KLHL13: variants seen among roughly 807,000 people sequenced by gnomAD.
KLHL13 encodes the protein kelch like family member 13, also known as kelch-like protein 13.
A neutral mutation model predicts 37.1 loss-of-function variants in KLHL13; 10 were observed. The ratio of observed to expected loss-of-function variants is 0.27; its 90% CI spans 0.17 to 0.46. KLHL13 has a LOEUF of 0.46. Among genes scored for constraint, KLHL13 ranks in the 20% least tolerant of loss-of-function variants. The pLI is 1.00. For missense variants in KLHL13, 360 were observed against 509.3 expected (o/e 0.71, Z 2.82); for synonymous variants, 163 against 181.2 (o/e 0.90, Z 0.81).
chrX:118,109,786 C>A (rs1005912792), intron 1 of KLHL13, among the ~76,000 whole-genome samples: 6 of 111,810 alleles, frequency 5.4e-5, no homozygotes, highest in Non-Finnish European at 9.4e-5. Flanking sequence ...AATGAATTGG[C>A]AGAATAGTTT....
chrX:118,071,329 C>A (rs1263779708), intron 1 of KLHL13, among the ~76,000 whole-genome samples: 1 of 111,352 alleles, frequency 9.0e-6, no homozygotes, highest in Non-Finnish European at 1.9e-5. Flanking sequence ...GAGGAATCGC[C>A]ACACTGACTT....
chrX:117,931,534 G>A (rs1932452513), intron 2 of KLHL13, among the ~76,000 whole-genome samples: 1 of 111,586 alleles, frequency 9.0e-6, no homozygotes, highest in Non-Finnish European at 1.9e-5. Flanking sequence ...AAGCCAGCAA[G>A]AAGACATTCT....
chrX:118,075,623 A>ACTTGGTGCAAGACCTGCCATTC (rs2054921126), intron 1 of KLHL13, among the ~76,000 whole-genome samples: 1 of 111,402 alleles, frequency 9.0e-6, no homozygotes, highest in East Asian at 2.8e-4. Flanking sequence ...ACCTGCCATT[A>ACTTGGTGCAAGACCTGCCATTC]CTTGGTGCAA....
chrX:117,986,978 G>A (rs2053733597), intron 1 of KLHL13, among the ~76,000 whole-genome samples: 1 of 111,239 alleles, frequency 9.0e-6, no homozygotes. Flanking sequence ...ACTTCATAGT[G>A]CACGCTAATC....
At chrX:118,112,105 C>T (rs2055418047) in intron 1 of KLHL13, among the ~76,000 whole-genome samples, 1 of 111,948 alleles carries the variant, frequency 8.9e-6, no homozygotes, top group South Asian at 3.7e-4. Flanking sequence ...AGCTCCAGAG[C>T]TTGAGCTCTT....
intron 1 of KLHL13, among the ~76,000 whole-genome samples, chrX:118,113,269 T>C (rs1214282993): frequency 8.9e-6 from 1 of 112,086 alleles, no homozygotes; most frequent in African/African-American, 3.2e-5. Flanking sequence ...TTAATATAAA[T>C]GACTGAATGA....
At chrX:118,117,220 T>C (rs2055482710), upstream of KLHL13, 1 of 112,582 alleles carries the variant, frequency 8.9e-6, no homozygotes, top group Admixed American at 9.3e-5. Context: ...CTCGGCCTCC[T>C]CATAGTCACG....
intron 1 of KLHL13, among the ~76,000 whole-genome samples, chrX:118,111,893 C>A (rs2148194101): frequency 9.0e-6 from 1 of 111,390 alleles, no homozygotes; most frequent in South Asian, 3.8e-4. Context: ...GAGCGAGACT[C>A]CGTCTAAAAA....
At chrX:117,904,929 T>C (rs1384163936) in intron 5 of KLHL13, among the ~76,000 whole-genome samples, 1 of 112,001 alleles carries the variant, frequency 8.9e-6, no homozygotes, top group Non-Finnish European at 1.9e-5. Context: ...AGGTTGGTTA[T>C]CTCACATATA....
At chrX:117,926,885 C>CTTTTTTTTTTTTTTTT (rs10596292) in intron 2 of KLHL13, among the ~76,000 whole-genome samples, 4 of 26,155 alleles carry the variant, frequency 1.5e-4, no homozygotes, top group Non-Finnish European at 3.3e-4. Context: ...CCCCCTACTT[C>CTTTTTTTTTTTTTTTT]TTTTTTTTTT....
chrX:118,011,098 A>AAATG (rs2054062297), intron 1 of KLHL13, among the ~76,000 whole-genome samples: 1 of 108,759 alleles, frequency 9.2e-6, no homozygotes, highest in Non-Finnish European at 1.9e-5. Flanking sequence ...ATAAATAAAT[A>AAATG]AATAAGAAAA....
intron 1 of KLHL13, among the ~76,000 whole-genome samples, chrX:118,115,077 ACT>A (rs1029208467): frequency 4.5e-5 from 5 of 112,166 alleles, no homozygotes; most frequent in African/African-American, 1.6e-4. Context: ...CAGGCAAACA[ACT>A]CTTTTACCGT....
chrX:118,055,253 G>A (rs892235824), intron 1 of KLHL13, among the ~76,000 whole-genome samples: 1 of 111,891 alleles, frequency 8.9e-6, no homozygotes, highest in Non-Finnish European at 1.9e-5. Flanking sequence ...ACCATCTTAT[G>A]GAACACATTC....
chrX:117,964,837 G>A (rs935170925), intron 1 of KLHL13, among the ~76,000 whole-genome samples: 6 of 110,876 alleles, frequency 5.4e-5, no homozygotes, highest in African/African-American at 2.0e-4. Context: ...AACATGCAGT[G>A]TTTGGTTTTT....
upstream of KLHL13, among the ~76,000 whole-genome samples, chrX:117,974,765 T>G (rs1381681310): frequency 9.0e-6 from 1 of 111,660 alleles, no homozygotes; most frequent in Non-Finnish European, 1.9e-5. Flanking sequence ...GAAAGCTTAT[T>G]TTGAAAGATT....
At chrX:118,045,330 C>T (rs1198087209) in intron 1 of KLHL13, among the ~76,000 whole-genome samples, 15 of 100,998 alleles carry the variant, frequency 1.5e-4, no homozygotes, top group African/African-American at 4.8e-4. Flanking sequence ...ACCAAGATCG[C>T]GCCACTGCAC....
intron 1 of KLHL13, among the ~76,000 whole-genome samples, chrX:117,995,159 C>T (rs1263147312): frequency 4.5e-5 from 5 of 112,088 alleles, no homozygotes; most frequent in African/African-American, 1.6e-4. Context: ...TGTGAACTGC[C>T]TTCATGTGTC....
intron 1 of KLHL13, among the ~76,000 whole-genome samples, chrX:117,964,192 TAAA>T (rs760681099): frequency 1.1e-4 from 11 of 101,455 alleles, no homozygotes; most frequent in African/African-American, 3.2e-4. Flanking sequence ...TAGAGTATAA[TAAA>T]AAAAAAAAAA....
At chrX:118,069,602 A>G (rs1198631105) in intron 1 of KLHL13, among the ~76,000 whole-genome samples, 1 of 110,839 alleles carries the variant, frequency 9.0e-6, no homozygotes, top group African/African-American at 3.3e-5. Flanking sequence ...ATGCTTATAT[A>G]AAGAAATTAT....
Sources: gnomAD v4.1 joint callset for allele counts (sites outside exome capture counted in the v4.1 genomes callset) on GRCh38, gnomAD v4.1.1 for gene constraint, MANE v1.5 for transcripts, NCBI Gene and HGNC (gene_info 2026-07-23, HGNC 2026-07-21) for gene names.